Variants in DLG1 observed in about 807,000 individuals in gnomAD.
DLG1 encodes the protein disks large homolog 1.
In DLG1, 42 loss-of-function variants were observed where a neutral mutation model predicts 123.4. The ratio of observed to expected loss-of-function variants is 0.34; its 90% confidence interval spans 0.27 to 0.44. The LOEUF is 0.44. Ranked by LOEUF, DLG1 falls within the 20% of genes least tolerant of loss-of-function variation. DLG1 has a pLI of 1.00. For missense variants in DLG1, 942 were observed against 1,082.6 expected (o/e 0.87, Z 1.82); for synonymous variants, 317 against 356.2 (o/e 0.89, Z 1.24).
chr3:197,297,686 C>G (rs938370529), intron 1 of DLG1: 3 of 989,198 alleles, frequency 3.0e-6, no homozygotes, highest in Non-Finnish European at 3.6e-6. Flanking sequence ...TCTCCTTGCT[C>G]GCTGCCTCCG....
chr3:197,103,510 T>C (rs371425026), intron 14 of DLG1, among the ~76,000 whole-genome samples: 21 of 152,124 alleles, frequency 1.4e-4, no homozygotes, highest in African/African-American at 4.3e-4. Context: ...CATTGGCAGA[T>C]TTGTTTCTCA....
chr3:197,174,499 G>GA (rs572758454), intron 5 of DLG1, among the ~76,000 whole-genome samples: 109 of 152,150 alleles, frequency 7.2e-4, no homozygotes, highest in African/African-American at 2.4e-3. Flanking sequence ...TTCCAGTTTG[G>GA]AAAAAAAGTG....
intron 11 of DLG1, among the ~76,000 whole-genome samples, chr3:197,125,481 T>C (rs1778567315): frequency 6.6e-6 from 1 of 151,982 alleles, no homozygotes; most frequent in Non-Finnish European, 1.5e-5. Flanking sequence ...TCTAAGCTAA[T>C]ACAAATAGAA....
chr3:197,276,722 T>C (rs1219945725), intron 4 of DLG1, among the ~76,000 whole-genome samples: 3 of 152,136 alleles, frequency 2.0e-5, no homozygotes, highest in African/African-American at 7.2e-5. Context: ...TTGTATTATA[T>C]CTTTCAAGAT....
intron 24 of DLG1, among the ~76,000 whole-genome samples, chr3:197,046,514 A>G (rs1276038520): frequency 6.6e-6 from 1 of 152,178 alleles, no homozygotes; most frequent in East Asian, 1.9e-4. Flanking sequence ...CAAATGCAGA[A>G]CCTAAATCGA....
At chr3:197,075,777 A>C in intron 18 of DLG1, 1 of 1,454,986 alleles carries the variant, frequency 6.9e-7, no homozygotes, top group Non-Finnish European at 9.6e-7. Flanking sequence ...AATGTATCTG[A>C]ATAAGGTAGG....
chr3:197,047,561 G>A (rs140818964), intron 24 of DLG1, among the ~76,000 whole-genome samples: 359 of 150,600 alleles, frequency 2.4e-3, no homozygotes, highest in Non-Finnish European at 4.4e-3. Flanking sequence ...GACAAGGCGA[G>A]TAAAATAAGA....
chr3:197,158,348 T>C (rs1002866449), intron 5 of DLG1, among the ~76,000 whole-genome samples: 1 of 151,490 alleles, frequency 6.6e-6, no homozygotes, highest in Non-Finnish European at 1.5e-5. Flanking sequence ...ACTGGCTGGA[T>C]GCAGTGGCTC....
intron 5 of DLG1, among the ~76,000 whole-genome samples, chr3:197,161,416 T>TATGA (rs1798705362): frequency 6.6e-6 from 1 of 152,168 alleles, no homozygotes; most frequent in African/African-American, 2.4e-5. Flanking sequence ...GGTTCAATAT[T>TATGA]ATGAAGTTCA....
chr3:197,073,910 T>C (rs1399666667), intron 18 of DLG1, among the ~76,000 whole-genome samples: 1 of 152,120 alleles, frequency 6.6e-6, no homozygotes, highest in Non-Finnish European at 1.5e-5. Context: ...TTTGTTCCAA[T>C]AAGGCCTGAT....
intron 14 of DLG1, among the ~76,000 whole-genome samples, chr3:197,098,759 T>G (rs2149254366): frequency 6.6e-6 from 1 of 152,322 alleles, no homozygotes; most frequent in East Asian, 1.9e-4. Flanking sequence ...CTTGAACTCC[T>G]GCTTTCAAGG....
chr3:197,059,067 A>AG (rs1280604535), intron 23 of DLG1, among the ~76,000 whole-genome samples: 1 of 152,188 alleles, frequency 6.6e-6, no homozygotes, highest in Non-Finnish European at 1.5e-5. Context: ...CTGGGACTAC[A>AG]GGTGCCCGCG....
At chr3:197,098,200 T>C (rs1364778785) in intron 14 of DLG1, among the ~76,000 whole-genome samples, 1 of 152,220 alleles carries the variant, frequency 6.6e-6, no homozygotes, top group Non-Finnish European at 1.5e-5. Context: ...TCCTTAAAAG[T>C]TCTGCAATGC....
intron 19 of DLG1, among the ~76,000 whole-genome samples, chr3:197,068,173 G>C (rs1040340657): frequency 2.0e-5 from 3 of 152,130 alleles, no homozygotes; most frequent in African/African-American, 7.2e-5. Flanking sequence ...TTTATAAGCT[G>C]TTTTTTAAAG....
intron 22 of DLG1, 37 bp from the exon 23 acceptor site, chr3:197,060,035 C>T: frequency 6.9e-7 from 1 of 1,445,772 alleles, no homozygotes; most frequent in Non-Finnish European, 9.7e-7. Flanking sequence ...AACAAGTGAG[C>T]CAAATATTCT....
In DLG1 at chr3:197,119,570, A is replaced by T. The variant is rs202061706; in HGVS notation, c.1166-40T>A. 3.0e-3 allele frequency: 4,619 copies of T among 1,561,120 alleles called. 10 individuals are homozygous for T. Among genetic ancestry groups the T allele is most frequent in the Non-Finnish European group, 3.5e-3 (4,051 of 1,147,184 alleles). ...AAGTGAAAAATACTTCAAACACGAA[A>T]CAAGCCAATCAGTATTCCATTTATG... On this transcript the variant is annotated intron_variant, in intron 11 of 24. Transcript: ENST00000667157.
intron 4 of DLG1, among the ~76,000 whole-genome samples, chr3:197,227,777 G>A (rs1384092134): frequency 2.0e-5 from 3 of 152,114 alleles, no homozygotes; most frequent in African/African-American, 7.2e-5. Flanking sequence ...GGGTGAGAGA[G>A]AGAAAAAACT....
chr3:197,149,690 A>G, intron 6 of DLG1, 53 bp downstream of exon 6: 1 of 1,157,764 alleles, frequency 8.6e-7, no homozygotes, highest in Non-Finnish European at 1.3e-6. Context: ...TGTATCAAAA[A>G]ACGGAACAGG....
intron 5 of DLG1, among the ~76,000 whole-genome samples, chr3:197,165,536 A>T (rs192789454): frequency 6.6e-6 from 1 of 152,334 alleles, no homozygotes; most frequent in East Asian, 1.9e-4. Context: ...TAACACAATA[A>T]AAAAGTATAC....
Sources: gnomAD v4.1 joint callset for allele counts (sites outside exome capture counted in the v4.1 genomes callset) on GRCh38, gnomAD v4.1.1 for gene constraint, MANE v1.5 for transcripts, NCBI Gene and HGNC (gene_info 2026-07-23, HGNC 2026-07-21) for gene names.